Variants in MTHFD1L observed in about 807,000 individuals in gnomAD.
MTHFD1L encodes methylenetetrahydrofolate dehydrogenase (NADP+ dependent) 1 like, also known as monofunctional C1-tetrahydrofolate synthase, mitochondrial.
In MTHFD1L, 81 loss-of-function variants were observed where a neutral mutation model predicts 119.5. The ratio of observed to expected loss-of-function variants is 0.68; its 90% CI spans 0.57 to 0.82. MTHFD1L has a LOEUF of 0.82. MTHFD1L is among the 40% of genes least tolerant of loss of function. The probability of loss-of-function intolerance (pLI) is 0.00; values close to 1 mark genes in which losing one functional copy is unlikely to be tolerated. For missense variants in MTHFD1L, 1,125 were observed against 1,253.4 expected (o/e 0.90, Z 1.55); for synonymous variants, 430 against 475.2 (o/e 0.90, Z 1.24).
At chr6:150,963,241 A>G (rs1331037569) in intron 18 of MTHFD1L, among the ~76,000 whole-genome samples, 1 of 152,096 alleles carries the variant, frequency 6.6e-6, no homozygotes, top group Non-Finnish European at 1.5e-5. Flanking sequence ...AAAGTGAACC[A>G]TCTTCGTGTA....
chr6:150,894,076 C>CT (rs1251990946), intron 7 of MTHFD1L, among the ~76,000 whole-genome samples: 2 of 152,074 alleles, frequency 1.3e-5, no homozygotes, highest in Non-Finnish European at 2.9e-5. Context: ...AACTCCATCT[C>CT]TAAAAAAGTA....
chr6:150,890,134 CAACAAG>C (rs1382967341), intron 7 of MTHFD1L, among the ~76,000 whole-genome samples: 1 of 151,660 alleles, frequency 6.6e-6, no homozygotes, highest in East Asian at 1.9e-4. Flanking sequence ...CCAGCCTGGG[CAACAAG>C]AACGAAACTC....
chr6:151,019,448 T>A (rs551563188), intron 24 of MTHFD1L, among the ~76,000 whole-genome samples: 2 of 90,514 alleles, frequency 2.2e-5, no homozygotes, highest in Admixed American at 2.1e-4. Context: ...GATATTTCAA[T>A]TTTTTTTTCT....
intron 26 of MTHFD1L, among the ~76,000 whole-genome samples, chr6:151,089,624 G>A (rs1794196451): frequency 1.3e-5 from 2 of 152,176 alleles, no homozygotes; most frequent in African/African-American, 4.8e-5. Context: ...TCCTATAAAT[G>A]CCATAAGATG....
chr6:151,094,932 G>T (rs910147535), intron 27 of MTHFD1L, among the ~76,000 whole-genome samples: 14 of 152,192 alleles, frequency 9.2e-5, no homozygotes, highest in African/African-American at 3.1e-4. Flanking sequence ...ACCTCGTCTG[G>T]CCAAGTTTTT....
At chr6:151,041,232 TG>T (rs1210346013) in intron 26 of MTHFD1L, among the ~76,000 whole-genome samples, 1 of 152,216 alleles carries the variant, frequency 6.6e-6, no homozygotes, top group Non-Finnish European at 1.5e-5. Context: ...GCATGTGTAG[TG>T]GGACACACGC....
At position 150,926,033 on chromosome 6, in the gene MTHFD1L, G is replaced by A. The variant is rs376678832; in HGVS notation, c.1083-89G>A. 184 of 1,124,288 alleles carry A rather than the reference G, an allele frequency of 1.6e-4. No homozygotes were observed. The highest frequency in any genetic ancestry group is 6.6e-4 in the African/African-American group (42 of 63,880). The allele number at this position is 1,124,288 out of a possible 1,614,324, so 69.6% of individuals were successfully genotyped here. On this transcript the variant is annotated intron_variant, in intron 10 of 27. Coordinates refer to ENST00000367321, the MANE Select transcript of MTHFD1L (RefSeq NM_015440.5). The surrounding 1 kb of genome is among the most constrained non-coding windows in gnomAD (Gnocchi z 4.3). Reference sequence around the variant, plus strand: ...CCAAAGTAATTGCATTGATTTCATCGTTGGCGTGATGTGTGGCTGTTTTCA... The same window carrying A: ...CCAAAGTAATTGCATTGATTTCATCATTGGCGTGATGTGTGGCTGTTTTCA...
At chr6:151,080,875 G>A (rs998677280) in intron 26 of MTHFD1L, among the ~76,000 whole-genome samples, 10 of 152,070 alleles carry the variant, frequency 6.6e-5, no homozygotes, top group African/African-American at 2.2e-4. Flanking sequence ...TATTGGATTA[G>A]GGCCCCATGC....
chr6:151,021,878 C>T lies in MTHFD1L; in HGVS notation c.2586+6185C>T, dbSNP rs535012868. Among the ~76,000 whole-genome samples, 18 of 152,324 alleles carry T rather than the reference C, an allele frequency of 1.2e-4. No individual in the cohort carries two copies. In the South Asian group the frequency reaches 1.7e-3, roughly 14 times the overall value. On this transcript the variant is annotated intron_variant, in intron 24 of 27. Transcript: ENST00000367321. Reference sequence around the variant, plus strand: ...CGGAGAAGTCAGCTTGACATTCAGTCGGAATATTGTTTGTTAAATGAGGAG... The same window carrying T: ...CGGAGAAGTCAGCTTGACATTCAGTTGGAATATTGTTTGTTAAATGAGGAG...
chr6:151,017,956 G>GGAATT (rs911147279), intron 24 of MTHFD1L, among the ~76,000 whole-genome samples: 1 of 145,598 alleles, frequency 6.9e-6, no homozygotes, highest in Non-Finnish European at 1.5e-5. Context: ...CAATTCTTTT[G>GGAATT]GAAATGTATT....
chr6:150,962,315 A>G (rs1796567085), intron 18 of MTHFD1L, among the ~76,000 whole-genome samples: 1 of 152,240 alleles, frequency 6.6e-6, no homozygotes, highest in South Asian at 2.1e-4. Context: ...AGTGTATGAT[A>G]AAAATCTTGG....
At chr6:151,077,627 G>C (rs1456109677) in intron 26 of MTHFD1L, among the ~76,000 whole-genome samples, 1 of 152,182 alleles carries the variant, frequency 6.6e-6, no homozygotes, top group Non-Finnish European at 1.5e-5. Flanking sequence ...GTTGCAGTGA[G>C]CCAAGATCGT....
chr6:150,890,765 A>G (rs1031008980), intron 7 of MTHFD1L, among the ~76,000 whole-genome samples: 1 of 152,346 alleles, frequency 6.6e-6, no homozygotes, highest in Admixed American at 6.5e-5. Flanking sequence ...GGAAAGAAGG[A>G]AAGTATAACT....
chr6:150,967,836 A>G (rs1421304734), intron 19 of MTHFD1L, among the ~76,000 whole-genome samples: 1 of 151,470 alleles, frequency 6.6e-6, no homozygotes, highest in Non-Finnish European at 1.5e-5. Flanking sequence ...CTTCCAAAAT[A>G]CTCTCTCCTC....
intron 11 of MTHFD1L, among the ~76,000 whole-genome samples, chr6:150,933,719 A>T (rs908005659): frequency 6.6e-6 from 1 of 152,190 alleles, no homozygotes; most frequent in African/African-American, 2.4e-5. Flanking sequence ...TTCTGGAAAC[A>T]GTCTCATCCT....
intron 7 of MTHFD1L, among the ~76,000 whole-genome samples, chr6:150,893,312 A>G (rs1255432181): frequency 6.6e-5 from 10 of 152,194 alleles, no homozygotes; most frequent in African/African-American, 2.2e-4. Context: ...TGATCCACCC[A>G]CATGGCCCTC....
intron 11 of MTHFD1L, among the ~76,000 whole-genome samples, chr6:150,933,290 T>C (rs1159478433): frequency 6.6e-6 from 1 of 152,128 alleles, no homozygotes; most frequent in African/African-American, 2.4e-5. Context: ...GGTAAACCAC[T>C]TAGTCCTTTG....
At chr6:150,996,596 T>C (rs1356630497) in intron 20 of MTHFD1L, among the ~76,000 whole-genome samples, 3 of 152,184 alleles carry the variant, frequency 2.0e-5, no homozygotes, top group African/African-American at 2.4e-5. Context: ...ATTACATTTG[T>C]GGACTCTTCT....
chr6:151,017,287 T>C (rs1783230109), intron 24 of MTHFD1L, among the ~76,000 whole-genome samples: 1 of 152,062 alleles, frequency 6.6e-6, no homozygotes. Context: ...AGCATCATAC[T>C]GTGGCTGGCT....
Sources: allele counts gnomAD v4.1 joint callset (sites outside exome capture counted in the v4.1 genomes callset), GRCh38; gene constraint gnomAD v4.1.1; non-coding constraint Gnocchi (gnomAD v3.1); transcripts MANE v1.5; gene names NCBI Gene and HGNC (gene_info 2026-07-23, HGNC 2026-07-21).